Variants in RPS3 observed in about 807,000 individuals in gnomAD.
RPS3 encodes the protein ribosomal protein S3.
A neutral mutation model predicts 25.8 loss-of-function variants in RPS3; 2 were observed. That is an observed-to-expected ratio of 0.08 (90% CI 0.03 to 0.24). The LOEUF (loss-of-function observed/expected upper bound fraction) is 0.24. Ranked by LOEUF, RPS3 falls within the 10% of genes least tolerant of loss-of-function variation. The probability of loss-of-function intolerance (pLI) is 1.00; values close to 1 mark genes in which losing one functional copy is unlikely to be tolerated. For synonymous variants in RPS3, 114 were observed against 114.2 expected (o/e 1.00, Z 0.01); for missense variants, 107 against 307.1 (o/e 0.35, Z 4.87).
downstream of RPS3, among the ~76,000 whole-genome samples, chr11:75,409,239 A>G (rs2135063336): frequency 7.2e-6 from 1 of 138,328 alleles, no homozygotes; most frequent in Non-Finnish European, 1.6e-5. Flanking sequence ...GCAGAGGGGG[A>G]TTTGGCAGGG....
At chr11:75,410,369 G>T (rs1948340572), downstream of RPS3, among the ~76,000 whole-genome samples, 1 of 151,854 alleles carries the variant, frequency 6.6e-6, no homozygotes, top group African/African-American at 2.4e-5. Flanking sequence ...GGGCAGAGGT[G>T]CTCCCCACAT....
intron 6 of RPS3, among the ~76,000 whole-genome samples, chr11:75,412,519 G>A (rs752267305): frequency 6.6e-6 from 1 of 152,170 alleles, no homozygotes; most frequent in Non-Finnish European, 1.5e-5. Flanking sequence ...TTTGGGAGAA[G>A]GGGGCAAGAA....
At chr11:75,403,573 GA>G (rs1192432587) in intron 4 of RPS3, 1 of 153,546 alleles carries the variant, frequency 6.5e-6, no homozygotes, top group Non-Finnish European at 1.4e-5. Context: ...CTTTCCTAGT[GA>G]ATGAGACTTC....
downstream of RPS3, among the ~76,000 whole-genome samples, chr11:75,409,870 A>C (rs1948328775): frequency 8.6e-6 from 1 of 116,118 alleles, no homozygotes; most frequent in African/African-American, 3.4e-5. Context: ...AGGGGTCCTC[A>C]CTTCCCAGTA....
rs1565165375 is a variant in RPS3 at position 75,406,087 on chromosome 11, A to G, written c.*477A>G. ...TAAAGGAAATTTGCTTGCACCACTG[A>G]AGGCACATAAGGCTCAGAAGTAAAT... On this transcript the variant is annotated 3_prime_UTR_variant, in exon 7 of 7. Transcript: ENST00000531188. 1 of 154,428 alleles carries G rather than the reference A, an allele frequency of 6.5e-6. No homozygotes were observed. The highest frequency in any genetic ancestry group is 1.4e-5 in the Non-Finnish European group (1 of 69,538). 9.6% of individuals were successfully genotyped at this position (154,428 alleles called of 1,614,324 possible). A position where few individuals can be genotyped will look rare whatever the true frequency, so the allele number is the denominator to read the frequency against.
At position 75,401,670 on chromosome 11, in the gene RPS3, G is replaced by C; in HGVS notation, c.192G>C (p.Arg64=). Residue 64 remains arginine (R), a synonymous_variant, in exon 3 of 7, where the codon CGG becomes CGC. Transcript: ENST00000531188. ...RTQNVLGEKG[R]RIRELTAVVQ... Reference sequence around the variant, plus strand: ...AGAATGTTCTTGGTGAGAAGGGCCGGCGGATTCGGGAACTGACTGCTGTAG... The same window carrying C: ...AGAATGTTCTTGGTGAGAAGGGCCGCCGGATTCGGGAACTGACTGCTGTAG... The C allele has an allele frequency of 1.2e-6, 2 of 1,613,512 alleles. No individual in the cohort carries two copies. The highest frequency in any genetic ancestry group is 1.7e-6 in the Non-Finnish European group (2 of 1,179,404).
rs531798394 is a variant in RPS3, at chr11:75,399,537, G to C, written c.-11G>C. 161 of 1,613,906 alleles carry C rather than the reference G, an allele frequency of 1.0e-4. 1 individual carries two copies. In the South Asian group the frequency reaches 1.7e-3, roughly 17 times the overall value. On this transcript the variant is annotated 5_prime_UTR_variant, in exon 1 of 7. Coordinates refer to ENST00000531188, the MANE Select transcript of RPS3 (RefSeq NM_001005.5). ...CCACTTCCTTTCCTTTCAGCGGAGC[G>C]CGGCGGCAAGATGGCAGTGCAAATA...
downstream of RPS3, among the ~76,000 whole-genome samples, chr11:75,411,141 G>C (rs1368819919): frequency 1.3e-5 from 2 of 152,110 alleles, no homozygotes; most frequent in Non-Finnish European, 2.9e-5. Context: ...CTCCCAAAGT[G>C]CTGGGATTAC....
chr11:75,402,345 T>C lies in RPS3; in HGVS notation c.256-7T>C, dbSNP rs1422640558. 1 of 1,613,546 alleles carries C rather than the reference T, an allele frequency of 6.2e-7. No homozygotes were observed. Among genetic ancestry groups the C allele is most frequent in the South Asian group, 1.1e-5 (1 of 91,074 alleles). ...TGGTAACAGGATATCCCTTGCTTCC[T>C]TTAAAGCTTTATGCTGAAAAGGTGG... On this transcript the variant is annotated splice_region_variant and splice_polypyrimidine_tract_variant and intron_variant, in intron 3 of 6. Coordinates refer to ENST00000531188, the MANE Select transcript of RPS3 (RefSeq NM_001005.5).
At chr11:75,407,073 C>T (rs1434770241), downstream of RPS3, among the ~76,000 whole-genome samples, 4 of 152,360 alleles carry the variant, frequency 2.6e-5, no homozygotes, top group South Asian at 8.3e-4. Flanking sequence ...TCCAGAACTT[C>T]ATCTTGCAGA....
intron 6 of RPS3, among the ~76,000 whole-genome samples, chr11:75,412,531 A>G (rs1198064031): frequency 1.3e-5 from 2 of 152,168 alleles, no homozygotes; most frequent in Admixed American, 6.5e-5. Context: ...GGGCAAGAAG[A>G]GGCATTGAAT....
intron 6 of RPS3, among the ~76,000 whole-genome samples, chr11:75,413,498 C>T (rs900675628): frequency 1.1e-4 from 16 of 151,668 alleles, no homozygotes; most frequent in African/African-American, 3.9e-4. Context: ...CCTTGTGATC[C>T]GCCCTCCTTG....
chr11:75,414,883 G>A (rs1212474643), intron 6 of RPS3, among the ~76,000 whole-genome samples: 2 of 152,160 alleles, frequency 1.3e-5, no homozygotes, highest in African/African-American at 4.8e-5. Flanking sequence ...TGGATAAAGG[G>A]TTTTTTGGGG....
chr11:75,412,017 C>G (rs1388001738), intron 6 of RPS3, among the ~76,000 whole-genome samples: 1 of 152,130 alleles, frequency 6.6e-6, no homozygotes, highest in Non-Finnish European at 1.5e-5. Flanking sequence ...GGTCATGGCC[C>G]CACCCTCAGG....
chr11:75,410,360 G>A (rs1395230165), downstream of RPS3, among the ~76,000 whole-genome samples: 3 of 151,674 alleles, frequency 2.0e-5, no homozygotes, highest in Admixed American at 2.0e-4. Flanking sequence ...AGGGCGGCGG[G>A]GCAGAGGTGC....
At chr11:75,416,603 C>T (rs746200379) in intron 6 of RPS3, among the ~76,000 whole-genome samples, 7 of 151,980 alleles carry the variant, frequency 4.6e-5, no homozygotes, top group South Asian at 2.1e-4. Flanking sequence ...GGATTACAGG[C>T]ATGCACTAGC....
intron 1 of RPS3, chr11:75,399,981 C>T (rs755267984): frequency 4.9e-4 from 140 of 284,870 alleles, no homozygotes; most frequent in Non-Finnish European, 8.2e-4. Flanking sequence ...CCGCTGGCCC[C>T]AGGACCTCAA....
chr11:75,417,514 G>T (rs1170379026), intron 6 of RPS3, among the ~76,000 whole-genome samples: 1 of 152,174 alleles, frequency 6.6e-6, no homozygotes, highest in Non-Finnish European at 1.5e-5. Flanking sequence ...GGAGAATGGC[G>T]TGAACCCGGG....
downstream of RPS3, among the ~76,000 whole-genome samples, chr11:75,407,871 G>T (rs183203723): frequency 2.2e-3 from 342 of 152,336 alleles, 2 homozygotes; most frequent in African/African-American, 8.0e-3. Context: ...CAGTCCACTT[G>T]GAAGTTCAGC....
Sources: gnomAD v4.1 joint callset for allele counts (sites outside exome capture counted in the v4.1 genomes callset) on GRCh38, gnomAD v4.1.1 for gene constraint, MANE v1.5 for transcripts, NCBI Gene and HGNC (gene_info 2026-07-23, HGNC 2026-07-21) for gene names.